Variants in KLF12 observed in about 807,000 individuals in gnomAD.
The protein encoded by KLF12 is KLF transcription factor 12, also known as Krueppel-like factor 12.
Under a neutral mutation model 37.8 loss-of-function variants are expected in KLF12, and 9 were observed. The observed-to-expected ratio is 0.24, with a 90% CI of 0.14 to 0.42. KLF12 has a LOEUF of 0.42. KLF12 is among the 10% of genes least tolerant of loss of function. The pLI is 1.00. For missense variants in KLF12, 411 were observed against 516.0 expected, an observed-to-expected ratio of 0.80 and a Z score of 1.97; for synonymous variants, 208 against 202.1, an observed-to-expected ratio of 1.03 and a Z score of -0.25.
chr13:73,756,069 T>A (rs902040480), intron 6 of KLF12, among the ~76,000 whole-genome samples: 1 of 152,190 alleles, frequency 6.6e-6, no homozygotes, highest in Admixed American at 6.5e-5. Flanking sequence ...TCTTTCAAGG[T>A]GATGCTATGA....
At chr13:73,933,490 G>T (rs534238652) in intron 3 of KLF12, among the ~76,000 whole-genome samples, 2 of 152,098 alleles carry the variant, frequency 1.3e-5, no homozygotes, top group Non-Finnish European at 2.9e-5. Context: ...AAGAATTCCA[G>T]TTTCTGATCT....
chr13:73,745,839 C>A (rs1218920560), intron 6 of KLF12, among the ~76,000 whole-genome samples: 1 of 152,178 alleles, frequency 6.6e-6, no homozygotes, highest in Non-Finnish European at 1.5e-5. Context: ...CAAGGGTATA[C>A]CACTAAATAA....
intron 1 of KLF12, among the ~76,000 whole-genome samples, chr13:74,098,492 G>C (rs1394512782): frequency 6.6e-6 from 1 of 152,152 alleles, no homozygotes; most frequent in East Asian, 1.9e-4. Context: ...CAGAATTCAA[G>C]CTCTATGATC....
the KLF12 span, among the ~76,000 whole-genome samples, chr13:74,146,907 C>G: frequency 6.6e-6 from 1 of 152,234 alleles, no homozygotes; most frequent in Non-Finnish European, 1.5e-5. Flanking sequence ...TGACTTCACA[C>G]AAGTCCTCTT....
the KLF12 span, among the ~76,000 whole-genome samples, chr13:74,226,942 A>C: frequency 6.6e-6 from 1 of 152,084 alleles, no homozygotes; most frequent in African/African-American, 2.4e-5. Context: ...AGAGTCTCCT[A>C]ACAGATTTCT....
intron 2 of KLF12, among the ~76,000 whole-genome samples, chr13:73,950,357 G>A (rs144677167): frequency 2.9e-4 from 44 of 152,266 alleles, no homozygotes; most frequent in African/African-American, 1.0e-3. Context: ...CATTTTTAAG[G>A]ATTACAACAG....
At chr13:73,824,894 C>T (rs1323943746) in intron 4 of KLF12, among the ~76,000 whole-genome samples, 1 of 152,040 alleles carries the variant, frequency 6.6e-6, no homozygotes, top group Non-Finnish European at 1.5e-5. Flanking sequence ...ATGGTGAAAA[C>T]CCATCTCTAC....
At chr13:73,874,159 T>C (rs564719439) in intron 3 of KLF12, among the ~76,000 whole-genome samples, 1 of 152,336 alleles carries the variant, frequency 6.6e-6, no homozygotes, top group South Asian at 2.1e-4. Context: ...GCTTTGCTCA[T>C]ACTGTGATGA....
In KLF12 at chr13:73,739,872, A is replaced by G. The variant is rs1048497271; in HGVS notation, c.870-24347T>C. 4.6e-5 allele frequency among the ~76,000 whole-genome samples: 7 copies of G among 152,322 alleles called. No individual in the cohort carries two copies. The East Asian group carries it at 1.3e-3, about 29-fold the overall frequency. On this transcript the variant is annotated intron_variant, in intron 6 of 7. Transcript: ENST00000377669. ...TCTTGGATAATTTTATCTTTTAAAC[A>G]AATTGTGTAATTTCCAATTCCAAAT...
chr13:73,909,514 T>C (rs745798048), intron 3 of KLF12, among the ~76,000 whole-genome samples: 3 of 152,222 alleles, frequency 2.0e-5, no homozygotes, highest in Non-Finnish European at 4.4e-5. Flanking sequence ...TCAATGATGC[T>C]TAATATGGGA....
chr13:74,267,325 G>C, the KLF12 span, among the ~76,000 whole-genome samples: 5 of 152,300 alleles, frequency 3.3e-5, no homozygotes, highest in African/African-American at 1.2e-4. Context: ...CAGAACAATA[G>C]CCAAGATGTG....
chr13:74,261,063 T>G, the KLF12 span, among the ~76,000 whole-genome samples: 1 of 152,004 alleles, frequency 6.6e-6, no homozygotes, highest in African/African-American at 2.4e-5. Context: ...TGCACCAAAA[T>G]CTCAGAAATC....
rs139427414 is a variant in KLF12, at chr13:73,963,933, A to G, written c.34-19863T>C. Among the ~76,000 whole-genome samples, 223 of 152,362 alleles carry G rather than the reference A, an allele frequency of 1.5e-3. 2 individuals are homozygous for G. The highest frequency in any genetic ancestry group is 5.0e-3 in the African/African-American group (209 of 41,592). ...ACTGGCAAAAAGATTGTGCCCCTCA[A>G]TAACAGATGAGAAGAAAACCTAGCA... On this transcript the variant is annotated intron_variant, in intron 2 of 7. Transcript: ENST00000377669.
the KLF12 span, among the ~76,000 whole-genome samples, chr13:74,211,497 T>C: frequency 3.3e-5 from 5 of 152,142 alleles, no homozygotes; most frequent in Admixed American, 2.6e-4. Flanking sequence ...ATAGTTTTGA[T>C]CTTTTGCTAA....
At chr13:73,989,009 A>T (rs1043449222) in intron 2 of KLF12, among the ~76,000 whole-genome samples, 4 of 152,196 alleles carry the variant, frequency 2.6e-5, no homozygotes, top group Admixed American at 1.3e-4. Flanking sequence ...CCAGGATGGA[A>T]ACCAGACAAT....
chr13:74,169,571 A>G, the KLF12 span, among the ~76,000 whole-genome samples: 1 of 152,238 alleles, frequency 6.6e-6, no homozygotes, highest in East Asian at 1.9e-4. Context: ...TGCAACTGGT[A>G]GATGTTATTA....
At chr13:74,277,601 CA>C in the KLF12 span, among the ~76,000 whole-genome samples, 1 of 152,160 alleles carries the variant, frequency 6.6e-6, no homozygotes, top group Non-Finnish European at 1.5e-5. Flanking sequence ...AAACATGGCT[CA>C]GGGGCGGTAA....
chr13:73,797,735 A>G (rs924591638), intron 5 of KLF12, among the ~76,000 whole-genome samples: 10 of 140,892 alleles, frequency 7.1e-5, no homozygotes, highest in African/African-American at 2.7e-4. Context: ...ATGCCACTGC[A>G]CTCCAGCCTG....
chr13:73,747,337 G>C (rs1878442911), intron 6 of KLF12, among the ~76,000 whole-genome samples: 1 of 152,140 alleles, frequency 6.6e-6, no homozygotes, highest in South Asian at 2.1e-4. Context: ...GGAGAAGGCT[G>C]TTATCAAGGG....
Sources: allele counts gnomAD v4.1 joint callset (sites outside exome capture counted in the v4.1 genomes callset), GRCh38; gene constraint gnomAD v4.1.1; transcripts MANE v1.5; gene names NCBI Gene and HGNC (gene_info 2026-07-23, HGNC 2026-07-21).